SCHIP1: variants seen among roughly 807,000 people sequenced by gnomAD.
SCHIP1 encodes schwannomin interacting protein 1.
A neutral mutation model predicts 29.7 loss-of-function variants in SCHIP1; 8 were observed. The ratio of observed to expected loss-of-function variants is 0.27; its 90% CI spans 0.16 to 0.49. SCHIP1 has a LOEUF of 0.49. Ranked by LOEUF, SCHIP1 falls within the 20% of genes least tolerant of loss-of-function variation. The pLI is 0.99. For synonymous variants in SCHIP1, 76 were observed against 94.9 expected, an observed-to-expected ratio of 0.80 and a Z score of 1.16; for missense variants, 193 against 294.6, an observed-to-expected ratio of 0.66 and a Z score of 2.52.
the SCHIP1 span, among the ~76,000 whole-genome samples, chr3:159,668,819 A>G: frequency 3.3e-5 from 5 of 152,150 alleles, no homozygotes; most frequent in African/African-American, 1.2e-4. Context: ...ACTTCATGCC[A>G]TTAGACTTTT....
chr3:159,283,355 G>A, the SCHIP1 span, among the ~76,000 whole-genome samples: 1 of 152,186 alleles, frequency 6.6e-6, no homozygotes, highest in African/African-American at 2.4e-5. Context: ...GTTTCACCAT[G>A]TTGGCCAGGC....
the SCHIP1 span, among the ~76,000 whole-genome samples, chr3:159,377,418 G>A: frequency 9.3e-3 from 1,420 of 152,202 alleles, 23 homozygotes; most frequent in African/African-American, 0.033. Flanking sequence ...CTTTTCTTTT[G>A]CAAATGATTT....
At chr3:159,717,384 A>C in the SCHIP1 span, among the ~76,000 whole-genome samples, 2 of 152,244 alleles carry the variant, frequency 1.3e-5, no homozygotes, top group Non-Finnish European at 2.9e-5. Context: ...CTAAGATCAA[A>C]GCAGAACTGA....
At chr3:159,399,296 C>T in the SCHIP1 span, among the ~76,000 whole-genome samples, 31 of 152,260 alleles carry the variant, frequency 2.0e-4, 1 homozygote, top group Middle Eastern at 0.01. Context: ...TCTACTTACT[C>T]TTTATTTCAT....
the SCHIP1 span, among the ~76,000 whole-genome samples, chr3:159,550,086 ATTATC>A: frequency 9.9e-5 from 15 of 151,864 alleles, no homozygotes; most frequent in Admixed American, 6.6e-4. Flanking sequence ...AAGAAAATTA[ATTATC>A]TTAAGATATC....
At chr3:159,423,779 C>A in the SCHIP1 span, among the ~76,000 whole-genome samples, 5 of 152,238 alleles carry the variant, frequency 3.3e-5, no homozygotes, top group South Asian at 2.1e-4. Flanking sequence ...TGACCCCTGA[C>A]CCCTGAGCAG....
the SCHIP1 span, among the ~76,000 whole-genome samples, chr3:159,757,537 C>A: frequency 6.6e-6 from 1 of 152,160 alleles, no homozygotes; most frequent in Non-Finnish European, 1.5e-5. Flanking sequence ...GGTTTAGTGA[C>A]TTTAATGACT....
the SCHIP1 span, among the ~76,000 whole-genome samples, chr3:159,814,936 C>T: frequency 1.3e-5 from 2 of 152,180 alleles, no homozygotes; most frequent in South Asian, 4.1e-4. Flanking sequence ...GTCTGGGTGA[C>T]ACTAGGCCAA....
the SCHIP1 span, among the ~76,000 whole-genome samples, chr3:159,646,219 C>T: frequency 2.0e-5 from 3 of 152,148 alleles, no homozygotes; most frequent in Non-Finnish European, 2.9e-5. Context: ...ATGTGAGCAG[C>T]TCAGAATGCC....
At chr3:159,839,106 C>T (rs1221880647), upstream of SCHIP1, among the ~76,000 whole-genome samples, 2 of 149,884 alleles carry the variant, frequency 1.3e-5, no homozygotes, top group Admixed American at 1.3e-4. Context: ...AAACTGGCCC[C>T]AGTTTTTTCC....
chr3:159,779,568 G>A, the SCHIP1 span, among the ~76,000 whole-genome samples: 1 of 151,634 alleles, frequency 6.6e-6, no homozygotes, highest in Non-Finnish European at 1.5e-5. Context: ...AGCTATTTGA[G>A]AGGCTAAGGC....
the SCHIP1 span, among the ~76,000 whole-genome samples, chr3:159,714,727 A>G: frequency 3.4e-3 from 520 of 152,360 alleles, 5 homozygotes; most frequent in African/African-American, 0.012. Flanking sequence ...AGGCTTGAGT[A>G]GGTAAACAAA....
the SCHIP1 span, among the ~76,000 whole-genome samples, chr3:159,286,961 G>A: frequency 0.026 from 3,989 of 152,174 alleles, 180 homozygotes; most frequent in African/African-American, 0.092. Context: ...ATAGATTCTG[G>A]ATATTAGACC....
chr3:159,535,259 T>G, the SCHIP1 span, among the ~76,000 whole-genome samples: 1 of 152,170 alleles, frequency 6.6e-6, no homozygotes, highest in Admixed American at 6.5e-5. Flanking sequence ...TTTCTCCTCT[T>G]TCATCTCTCA....
chr3:159,479,174 G>C, the SCHIP1 span, among the ~76,000 whole-genome samples: 1 of 152,046 alleles, frequency 6.6e-6, no homozygotes, highest in Non-Finnish European at 1.5e-5. Flanking sequence ...GTTAATATCA[G>C]AAAAAGTTCA....
At chr3:159,818,920 A>C in the SCHIP1 span, among the ~76,000 whole-genome samples, 1 of 152,236 alleles carries the variant, frequency 6.6e-6, no homozygotes, top group East Asian at 1.9e-4. Context: ...TGTATAAATA[A>C]TAGTTTACTA....
the SCHIP1 span, among the ~76,000 whole-genome samples, chr3:159,522,256 C>A: frequency 2.0e-5 from 3 of 152,156 alleles, no homozygotes; most frequent in Non-Finnish European, 4.4e-5. Context: ...TAAACACATA[C>A]CTTTGTCAGA....
At chr3:159,391,572 G>A in the SCHIP1 span, among the ~76,000 whole-genome samples, 1 of 152,094 alleles carries the variant, frequency 6.6e-6, no homozygotes, top group Non-Finnish European at 1.5e-5. Flanking sequence ...TTTTGTTTCA[G>A]TCTAGTTCTT....
the SCHIP1 span, among the ~76,000 whole-genome samples, chr3:159,345,933 C>T: frequency 6.6e-6 from 1 of 152,126 alleles, no homozygotes; most frequent in East Asian, 1.9e-4. Flanking sequence ...TTCACTCATG[C>T]CTGTAATCCC....
Sources: gnomAD v4.1 joint callset for allele counts (sites outside exome capture counted in the v4.1 genomes callset) on GRCh38, gnomAD v4.1.1 for gene constraint, MANE v1.5 for transcripts, NCBI Gene and HGNC (gene_info 2026-07-23, HGNC 2026-07-21) for gene names.